CIT: variants seen among roughly 807,000 people sequenced by gnomAD.
CIT encodes the protein citron rho-interacting serine/threonine kinase.
In CIT, 79 loss-of-function variants were observed where a neutral mutation model predicts 272.7. That is an observed-to-expected ratio of 0.29 (90% CI 0.24 to 0.35). The LOEUF (loss-of-function observed/expected upper bound fraction) is 0.35. Ranked by LOEUF, CIT falls within the 10% of genes least tolerant of loss-of-function variation. The pLI is 1.00. For missense variants in CIT, 1,909 were observed against 2,618.3 expected, an observed-to-expected ratio of 0.73 and a Z score of 5.91; for synonymous variants, 948 against 995.6, an observed-to-expected ratio of 0.95 and a Z score of 0.90.
At chr12:119,853,114 G>T (rs1200991232) in intron 4 of CIT, among the ~76,000 whole-genome samples, 1 of 151,976 alleles carries the variant, frequency 6.6e-6, no homozygotes, top group Non-Finnish European at 1.5e-5. Flanking sequence ...ACTACTGCAG[G>T]TCAGGAGTTC....
At position 119,710,215 on chromosome 12, in the gene CIT, A is replaced by G. The variant is rs1028240810; in HGVS notation, c.5071+36T>C. On this transcript the variant is annotated intron_variant, in intron 39 of 47. Transcript: ENST00000392521. This position sits in a 1 kb window ranked among gnomAD's most constrained non-coding sequence, Gnocchi z 5.6. ...GGCTTCAACATATTGGCTCCCTTGA[A>G]AGTAAAGAAAAAACACCATGTCCTT... 2.5e-6 allele frequency: 4 copies of G among 1,600,698 alleles called. No individual in the cohort carries two copies. Among genetic ancestry groups the G allele is most frequent in the Non-Finnish European group, 3.4e-6 (4 of 1,175,358 alleles).
intron 9 of CIT, among the ~76,000 whole-genome samples, chr12:119,805,432 C>T (rs61308218): frequency 0.018 from 2,745 of 152,290 alleles, 79 homozygotes; most frequent in African/African-American, 0.062. Context: ...ACAAATATGA[C>T]CTGCTATTAT....
Position 119,710,453 on chromosome 12 carries a change from G to A in CIT, c.4936-67C>T. 1 of 1,612,800 alleles carries A rather than the reference G, an allele frequency of 6.2e-7. No individual in the cohort carries two copies. Among genetic ancestry groups the A allele is most frequent in the Non-Finnish European group, 8.5e-7 (1 of 1,179,088 alleles). ...ACGTCACCAGAACAATCTCTAGTAA[G>A]AGCAACAAGGCCTCCACAGCCCTTT... On this transcript the variant is annotated intron_variant, in intron 38 of 47. Transcript: ENST00000392521. This position sits in a 1 kb window ranked among gnomAD's most constrained non-coding sequence, Gnocchi z 5.6.
At chr12:119,730,855 C>T (rs1449439972) in intron 26 of CIT, among the ~76,000 whole-genome samples, 2 of 152,344 alleles carry the variant, frequency 1.3e-5, no homozygotes, top group South Asian at 2.1e-4. Context: ...AGGCCAGGCA[C>T]GGTGGCTCAT....
At chr12:119,742,324 T>G in intron 24 of CIT, 87 bp downstream of exon 24, 1 of 916,056 alleles carries the variant, frequency 1.1e-6, no homozygotes. Context: ...CAAAACTCAG[T>G]CACCAATATT....
rs76897520 is a variant in CIT at position 119,736,268 on chromosome 12, C to T, written c.2959-911G>A. ...AAAGAAGGAAATTAAAAGGAAATGCCGTTAAGCCTACAGTTATTAATTGTT... is the reference window on the plus strand; with the variant it reads ...AAAGAAGGAAATTAAAAGGAAATGCTGTTAAGCCTACAGTTATTAATTGTT... On this transcript the variant is annotated intron_variant, in intron 24 of 47. Coordinates refer to ENST00000392521, the MANE Select transcript of CIT (RefSeq NM_001206999.2). Among the ~76,000 whole-genome samples, 1,144 of 152,210 alleles carry T rather than the reference C, an allele frequency of 7.5e-3. 18 individuals carry two copies. Among genetic ancestry groups the T allele is most frequent in the African/African-American group, 0.026 (1,059 of 41,496 alleles).
intron 10 of CIT, among the ~76,000 whole-genome samples, chr12:119,792,196 C>T (rs1965366263): frequency 6.6e-6 from 1 of 152,062 alleles, no homozygotes; most frequent in African/African-American, 2.4e-5. Context: ...GGAATAGGAC[C>T]CTATGCCTGC....
intron 7 of CIT, 91 bp from the exon 8 acceptor site, chr12:119,825,459 G>T: frequency 1.7e-6 from 2 of 1,189,004 alleles, no homozygotes; most frequent in Non-Finnish European, 2.4e-6. Flanking sequence ...AAGCTGATTT[G>T]CCACTGATTA....
chr12:119,845,068 C>T (rs1439463978), intron 5 of CIT, among the ~76,000 whole-genome samples: 2 of 151,784 alleles, frequency 1.3e-5, no homozygotes, highest in South Asian at 2.1e-4. Flanking sequence ...TGCACTGAGC[C>T]GAGATTGCGC....
chr12:119,785,380 G>A (rs927117464), intron 10 of CIT, among the ~76,000 whole-genome samples: 6 of 152,060 alleles, frequency 3.9e-5, no homozygotes, highest in African/African-American at 9.7e-5. Context: ...AGCAAGGATC[G>A]GAGTCACAGA....
At chr12:119,752,373 A>C in intron 22 of CIT, 126 bp from the exon 23 acceptor site, 1 of 834,460 alleles carries the variant, frequency 1.2e-6, no homozygotes, top group Non-Finnish European at 1.8e-6. Context: ...CCTTCTCGGC[A>C]CTCGATAGAG....
chr12:119,776,884 C>T (rs775591501), intron 13 of CIT, 42 bp from the exon 14 acceptor site: 122 of 1,596,900 alleles, frequency 7.6e-5, no homozygotes, highest in Non-Finnish European at 9.4e-5. Flanking sequence ...TTTCGAACTC[C>T]GAAAAGAATA....
rs539477013 is a variant in CIT, at chr12:119,723,016, C to T, written c.3592-1567G>A. Among the ~76,000 whole-genome samples the T allele has an allele frequency of 1.1e-4, 16 of 152,162 alleles. No individual in the cohort carries two copies. In the South Asian group the frequency reaches 3.1e-3, roughly 30 times the overall value. ...GTGGCAATGAGCTATGATTATGCCACTGCATTCCAGCCTGGGCGACAGAGC... is the reference window on the plus strand; with the variant it reads ...GTGGCAATGAGCTATGATTATGCCATTGCATTCCAGCCTGGGCGACAGAGC... On this transcript the variant is annotated intron_variant, in intron 28 of 47. Transcript: ENST00000392521.
chr12:119,727,460 CGAGGAGGGGAGT>C (rs1280595741), intron 28 of CIT, among the ~76,000 whole-genome samples: 4 of 151,880 alleles, frequency 2.6e-5, no homozygotes, highest in Non-Finnish European at 5.9e-5. Flanking sequence ...AGGGGGAAGG[CGAGGAGGGGAGT>C]GAGGGATGAA....
chr12:119,760,181 C>A (rs1593630571), intron 20 of CIT, among the ~76,000 whole-genome samples: 5 of 128,660 alleles, frequency 3.9e-5, no homozygotes, highest in South Asian at 2.4e-4. Context: ...AGTGAGATTC[C>A]ATCTCAAAAA....
intron 4 of CIT, among the ~76,000 whole-genome samples, chr12:119,856,595 T>C (rs1202191492): frequency 6.6e-6 from 1 of 151,960 alleles, no homozygotes; most frequent in African/African-American, 2.4e-5. Flanking sequence ...TACTCCAGAA[T>C]GTCACACTTC....
chr12:119,779,348 G>A (rs1964078523), intron 13 of CIT, among the ~76,000 whole-genome samples: 1 of 152,136 alleles, frequency 6.6e-6, no homozygotes, highest in Non-Finnish European at 1.5e-5. Context: ...CACTGAGCCT[G>A]TCTTGCCTTC....
intron 9 of CIT, among the ~76,000 whole-genome samples, chr12:119,810,764 T>A (rs1241666686): frequency 1.3e-5 from 2 of 151,042 alleles, no homozygotes; most frequent in African/African-American, 4.9e-5. Flanking sequence ...AGCAGAGATT[T>A]TGATGGGAGT....
chr12:119,799,987 C>T (rs12300601), intron 10 of CIT, among the ~76,000 whole-genome samples: 61,461 of 151,816 alleles, frequency 0.4, 13,395 homozygotes, highest in Admixed American at 0.53. Context: ...CAGAAATGCA[C>T]GGCTTCACCA....
Sources: allele counts gnomAD v4.1 joint callset (sites outside exome capture counted in the v4.1 genomes callset), GRCh38; gene constraint gnomAD v4.1.1; non-coding constraint Gnocchi (gnomAD v3.1); transcripts MANE v1.5; gene names NCBI Gene and HGNC (gene_info 2026-07-23, HGNC 2026-07-21).